ASTN2: variants seen among roughly 807,000 people sequenced by gnomAD.
ASTN2 encodes the protein astrotactin 2, also known as astrotactin-2.
In ASTN2, 54 loss-of-function variants were observed where a neutral mutation model predicts 139.8. The ratio of observed to expected loss-of-function variants is 0.39; its 90% confidence interval spans 0.31 to 0.48. ASTN2 has a LOEUF of 0.48. Among genes scored for constraint, ASTN2 ranks in the 20% least tolerant of loss-of-function variants. ASTN2 has a pLI of 0.95. For synonymous variants in ASTN2, 756 were observed against 719.5 expected, an observed-to-expected ratio of 1.05 and a Z score of -0.81; for missense variants, 1,565 against 1,725.1, an observed-to-expected ratio of 0.91 and a Z score of 1.64.
intron 20 of ASTN2, among the ~76,000 whole-genome samples, chr9:116,450,398 A>G (rs1371065945): frequency 6.6e-6 from 1 of 152,212 alleles, no homozygotes; most frequent in Non-Finnish European, 1.5e-5. Context: ...TTTAATCCCA[A>G]GGTTAGAAAT....
At chr9:116,509,631 T>A (rs1243494703) in intron 19 of ASTN2, among the ~76,000 whole-genome samples, 1 of 152,200 alleles carries the variant, frequency 6.6e-6, no homozygotes, top group African/African-American at 2.4e-5. Flanking sequence ...ACCAACAGTA[T>A]AAAAGTGTTC....
chr9:117,392,148 G>A (rs1331499085), intron 1 of ASTN2, among the ~76,000 whole-genome samples: 1 of 152,138 alleles, frequency 6.6e-6, no homozygotes, highest in African/African-American at 2.4e-5. Flanking sequence ...GGCCTGACGG[G>A]GGATTAAGAG....
In ASTN2 at chr9:116,725,857, T is replaced by C; in HGVS notation, c.2720A>G (p.Glu907Gly). The C allele has an allele frequency of 6.2e-7, 1 of 1,614,060 alleles. No individual in the cohort carries two copies. Among genetic ancestry groups the C allele is most frequent in the Non-Finnish European group, 8.5e-7 (1 of 1,180,024 alleles). The stretch of plus-strand genomic sequence containing the variant: ...GGTGAGCTCTGAGCCATAGAGGGCC[T>C]CTGCGATGTAGTGGGAGCCATAGTG... ...IQHYGSHYIA[E>G]ALYGSELTCI... The change falls in exon 16 of 23, where the codon GAG becomes GGG. Residue 907 changes from glutamate (E) to glycine (G), a missense_variant. Physicochemically the swap from Glu to Gly is moderately conservative, Grantham distance 98 (BLOSUM62 -2). Coordinates refer to ENST00000313400, the MANE Select transcript of ASTN2 (RefSeq NM_001365068.1).
intron 13 of ASTN2, among the ~76,000 whole-genome samples, chr9:116,783,422 C>G (rs967448769): frequency 6.6e-6 from 1 of 151,942 alleles, no homozygotes; most frequent in Non-Finnish European, 1.5e-5. Flanking sequence ...GCACCAAGCC[C>G]TGTTCACTCT....
intron 3 of ASTN2, among the ~76,000 whole-genome samples, chr9:117,213,505 C>T (rs1364077263): frequency 6.6e-6 from 1 of 152,080 alleles, no homozygotes; most frequent in Non-Finnish European, 1.5e-5. Flanking sequence ...ACTAATTACC[C>T]TGATCTGATC....
intron 10 of ASTN2, among the ~76,000 whole-genome samples, chr9:116,875,166 TGGGCC>T (rs751015613): frequency 4.3e-3 from 649 of 152,328 alleles, no homozygotes; most frequent in Non-Finnish European, 6.8e-3. Context: ...GATGAAAAGC[TGGGCC>T]TCTTGCACCA....
chr9:116,753,813 A>G (rs1173979825), intron 13 of ASTN2, among the ~76,000 whole-genome samples: 8 of 149,248 alleles, frequency 5.4e-5, no homozygotes, highest in Non-Finnish European at 7.4e-5. Context: ...ATTATACTTT[A>G]AGTTCTGGGG....
Position 116,454,498 on chromosome 9 carries a change from C to G in ASTN2, c.3498-11945G>C, listed in dbSNP as rs550393551. ...TGTGGAAGACAGTGTGGTGATTCCT[C>G]AAGGATCTAGAACTAGAAATACCAT... is the stretch of plus-strand genomic sequence containing the variant. On this transcript the variant is annotated intron_variant, in intron 20 of 22. Transcript: ENST00000313400. 2.6e-5 allele frequency among the ~76,000 whole-genome samples: 4 copies of G among 152,206 alleles called. No homozygotes were observed. The East Asian group carries it at 7.7e-4, about 29-fold the overall frequency.
At chr9:117,388,233 A>G (rs527558454) in intron 1 of ASTN2, among the ~76,000 whole-genome samples, 22 of 152,320 alleles carry the variant, frequency 1.4e-4, no homozygotes, top group Non-Finnish European at 2.5e-4. Flanking sequence ...CTACCCAACA[A>G]TATTTTAGTA....
chr9:116,858,292 C>G (rs1832791796), intron 11 of ASTN2, among the ~76,000 whole-genome samples: 1 of 152,096 alleles, frequency 6.6e-6, no homozygotes, highest in South Asian at 2.1e-4. Flanking sequence ...AAGCTGGAAC[C>G]AGGAAAGTGA....
rs751714214 is a variant in ASTN2 at position 116,698,624 on chromosome 9, T to C, written c.2806+27147A>G. 6.2e-7 allele frequency: 1 copy of C among 1,614,142 alleles called. No individual in the cohort carries two copies. Among genetic ancestry groups the C allele is most frequent in the Non-Finnish European group, 8.5e-7 (1 of 1,180,018 alleles). The stretch of plus-strand genomic sequence containing the variant: ...TTGGCCCCCTCCAAATTGGACAAGC[T>C]GTTAAGAAGCCCCGGACAGTTAACG... On this transcript the variant is annotated intron_variant, in intron 16 of 22. Coordinates refer to ENST00000313400, the MANE Select transcript of ASTN2 (RefSeq NM_001365068.1). This position sits in a 1 kb window ranked among gnomAD's most constrained non-coding sequence, Gnocchi z 4.4.
At chr9:117,029,132 T>C (rs1483143248) in intron 6 of ASTN2, among the ~76,000 whole-genome samples, 1 of 152,192 alleles carries the variant, frequency 6.6e-6, no homozygotes, top group Non-Finnish European at 1.5e-5. Flanking sequence ...TAGGCATACA[T>C]GACCTTTCAA....
chr9:116,878,345 C>T (rs1373351477), intron 10 of ASTN2, among the ~76,000 whole-genome samples: 1 of 152,150 alleles, frequency 6.6e-6, no homozygotes, highest in Non-Finnish European at 1.5e-5. Flanking sequence ...AAATGTGGTA[C>T]ATATACACCA....
chr9:116,880,933 A>G (rs1189035270), intron 10 of ASTN2, among the ~76,000 whole-genome samples: 2 of 152,220 alleles, frequency 1.3e-5, no homozygotes, highest in African/African-American at 4.8e-5. Context: ...GACACATATT[A>G]TAGACACATA....
chr9:117,293,952 C>G (rs74685900), intron 1 of ASTN2, among the ~76,000 whole-genome samples: 1,631 of 152,330 alleles, frequency 0.011, 31 homozygotes, highest in African/African-American at 0.037. Flanking sequence ...CCAAGGTAGG[C>G]TACATCTGGT....
chr9:117,130,037 T>G (rs1211038527), intron 4 of ASTN2, among the ~76,000 whole-genome samples: 1 of 152,182 alleles, frequency 6.6e-6, no homozygotes, highest in Non-Finnish European at 1.5e-5. Flanking sequence ...CCAGGCATGG[T>G]GGCACACGCC....
At position 116,950,960 on chromosome 9, in the gene ASTN2, TG is replaced by T. The variant is rs201008186; in HGVS notation, c.1889+24247del. Among the ~76,000 whole-genome samples, 670 of 152,300 alleles carry T rather than the reference TG, an allele frequency of 4.4e-3. 5 individuals are homozygous for T. The highest frequency in any genetic ancestry group is 0.016 in the African/African-American group (652 of 41,558). ...TGTAAGAATGTGTCTCTACAGCTCC[TG>T]GTGCCCATGCCCCATACCTATGGAA... is the stretch of plus-strand genomic sequence containing the variant. On this transcript the variant is annotated intron_variant, in intron 10 of 22. Transcript: ENST00000313400.
chr9:116,839,865 T>TATTATTATC (rs1832145236), intron 11 of ASTN2, among the ~76,000 whole-genome samples: 1 of 101,476 alleles, frequency 9.9e-6, no homozygotes, highest in African/African-American at 5.1e-5. Context: ...ATTTCATTAT[T>TATTATTATC]ATTATTATTA....
At chr9:117,349,437 A>G (rs533062804) in intron 1 of ASTN2, among the ~76,000 whole-genome samples, 1 of 152,306 alleles carries the variant, frequency 6.6e-6, no homozygotes, top group South Asian at 2.1e-4. Flanking sequence ...GAAATTAGAC[A>G]TGGCCCCCTG....
Sources: gnomAD v4.1 joint callset for allele counts (sites outside exome capture counted in the v4.1 genomes callset) on GRCh38, gnomAD v4.1.1 for gene constraint, Gnocchi (gnomAD v3.1) non-coding constraint, MANE v1.5 for transcripts, NCBI Gene and HGNC (gene_info 2026-07-23, HGNC 2026-07-21) for gene names.